Variants in KCP observed in about 807,000 individuals in gnomAD.
KCP encodes kielin/chordin-like protein.
Under a neutral mutation model 212.7 loss-of-function variants are expected in KCP, and 194 were observed. The observed-to-expected ratio is 0.91, with a 90% CI of 0.81 to 1.03. The LOEUF is 1.03. Ranked by LOEUF, KCP falls within the 50% of genes least tolerant of loss-of-function variation. KCP has a pLI of 0.00. For synonymous variants in KCP, 833 were observed against 865.3 expected, an observed-to-expected ratio of 0.96 and a Z score of 0.65; for missense variants, 2,080 against 2,162.5, an observed-to-expected ratio of 0.96 and a Z score of 0.76.
At chr7:128,883,943 C>T in intron 29 of KCP, 59 bp downstream of exon 29, 6 of 1,506,134 alleles carry the variant, frequency 4.0e-6, no homozygotes, top group Middle Eastern at 2.1e-4. Context: ...TGAGGAAGGG[C>T]GGCAGGGGGT....
rs1793036892 is a variant in KCP, at chr7:128,877,168, C to G, written c.4762G>C (p.Ala1588Pro). 6.7e-7 allele frequency: 1 copy of G among 1,493,754 alleles called. No individual in the cohort carries two copies. The highest frequency in any genetic ancestry group is 8.9e-7 in the Non-Finnish European group (1 of 1,122,434). The allele number at this position is 1,493,754 out of a possible 1,614,324, so 92.5% of individuals were successfully genotyped here. A position where few individuals can be genotyped will look rare whatever the true frequency, so the allele number is the denominator to read the frequency against. Residue 1588 changes from alanine to proline, a missense_variant, in exon 40 of 40, where the codon GCA becomes CCA. Physicochemically the swap from Ala to Pro is conservative, Grantham distance 27 (BLOSUM62 -1). Transcript: ENST00000610776. ...RPCVPGCQCP[A>P]GLVEHEAHCI... is the part of the protein sequence containing the mutation. ...TGGGCCTCATGCTCCACCAGGCCTGCAGGGCACTGGCAGCCGGGCACGCAG... is the reference window on the plus strand; with the variant it reads ...TGGGCCTCATGCTCCACCAGGCCTGGAGGGCACTGGCAGCCGGGCACGCAG...
At chr7:128,899,645 C>A (rs1794722890) in intron 8 of KCP, among the ~76,000 whole-genome samples, 2 of 152,162 alleles carry the variant, frequency 1.3e-5, no homozygotes, top group Admixed American at 1.3e-4. Flanking sequence ...CTCCTGTGAA[C>A]AAAATTGGAG....
intron 20 of KCP, 122 bp downstream of exon 20, chr7:128,890,783 T>A (rs1433149910): frequency 2.1e-5 from 20 of 952,720 alleles, no homozygotes; most frequent in Non-Finnish European, 2.8e-5. Flanking sequence ...GACACTACAT[T>A]CCTAACAAGA....
chr7:128,878,938 A>G, intron 37 of KCP: 1 of 517,694 alleles, frequency 1.9e-6, no homozygotes, highest in Non-Finnish European at 3.4e-6. Flanking sequence ...TGACAGGAGG[A>G]GCTGCCCACA....
chr7:128,886,047 G>T (rs1793626723), intron 26 of KCP, among the ~76,000 whole-genome samples: 1 of 152,064 alleles, frequency 6.6e-6, no homozygotes, highest in African/African-American at 2.4e-5. Flanking sequence ...TGATGAATGG[G>T]GTGTGGTTAG....
rs1237702869 is a variant in KCP, at chr7:128,892,948, G to A, written c.1341C>T (p.Cys447=). 1.0e-5 allele frequency: 14 copies of A among 1,359,042 alleles called. No individual in the cohort carries two copies. The highest frequency in any genetic ancestry group is 3.7e-5 in the South Asian group (3 of 80,298). The allele number at this position is 1,359,042 out of a possible 1,614,324, so 84.2% of individuals were successfully genotyped here. A position where few individuals can be genotyped will look rare whatever the true frequency, so the allele number is the denominator to read the frequency against. ...ACTTGGGTACCCCATCTTGACAGAC[G>A]CAGGCGGTGCAGGGCCGACCATCAG... ...WEPDGRPCTA[C]VCQDGVPKCG... Residue 447 remains cysteine (C), a synonymous_variant, in exon 14 of 40, where the codon TGC becomes TGT. Coordinates refer to ENST00000610776, the MANE Select transcript of KCP (RefSeq NM_001366122.1).
chr7:128,885,013 T>G (rs898320860), intron 27 of KCP, 84 bp downstream of exon 27: 1 of 1,534,986 alleles, frequency 6.5e-7, no homozygotes, highest in African/African-American at 1.4e-5. Context: ...TGCCTGTCTC[T>G]GCCACCCGGC....
intron 29 of KCP, among the ~76,000 whole-genome samples, chr7:128,882,368 AAGCACAC>A (rs770341868): frequency 1.2e-4 from 18 of 152,204 alleles, no homozygotes; most frequent in Admixed American, 2.0e-4. Context: ...CTGCGCAGGG[AAGCACAC>A]AGCCAGGCAT....
intron 8 of KCP, among the ~76,000 whole-genome samples, chr7:128,896,658 C>T (rs535420506): frequency 4.6e-5 from 7 of 151,926 alleles, no homozygotes; most frequent in Admixed American, 1.3e-4. Context: ...TTTGGGAGGC[C>T]GAGGAGGGCG....
At chr7:128,895,285 T>A (rs1277250386) in intron 8 of KCP, among the ~76,000 whole-genome samples, 1 of 152,146 alleles carries the variant, frequency 6.6e-6, no homozygotes, top group Admixed American at 6.5e-5. Context: ...GAAAAAATAG[T>A]CCTGTTCTCA....
At chr7:128,904,663 A>G (rs1795034323) in intron 5 of KCP, among the ~76,000 whole-genome samples, 1 of 152,196 alleles carries the variant, frequency 6.6e-6, no homozygotes, top group African/African-American at 2.4e-5. Flanking sequence ...CAGATGACAC[A>G]GGGCCCTGGA....
Position 128,886,572 on chromosome 7 carries a change from G to C in KCP, c.2773-15C>G. 6.4e-7 allele frequency: 1 copy of C among 1,551,130 alleles called. No individual in the cohort carries two copies. The highest frequency in any genetic ancestry group is 2.4e-5 in the East Asian group (1 of 40,924). ...ACCTGGCCAGCCTGTAGGAGATGCA[G>C]GGACACTGGCTCGCTGCCTAGGCTG... On this transcript the variant is annotated splice_polypyrimidine_tract_variant and intron_variant, in intron 25 of 39. Transcript: ENST00000610776.
chr7:128,878,934 G>C (rs1052800748), intron 37 of KCP: 6 of 528,194 alleles, frequency 1.1e-5, no homozygotes, highest in Non-Finnish European at 2.0e-5. Flanking sequence ...CAGATGACAG[G>C]AGGAGCTGCC....
intron 37 of KCP, 134 bp from the exon 38 acceptor site, chr7:128,878,856 C>G: frequency 1.1e-6 from 1 of 907,548 alleles, no homozygotes; most frequent in South Asian, 1.9e-5. Flanking sequence ...GGTGGAGGCT[C>G]CCCTTGGAAG....
At position 128,878,609 on chromosome 7, in the gene KCP, G is replaced by A. The variant is rs113121878; in HGVS notation, c.4260C>T (p.Gly1420=). Residue 1420 remains glycine, a synonymous_variant, in exon 38 of 40, where the codon GGC becomes GGT. Transcript: ENST00000610776. ...CCGAGGGCAGGAGCAGCCCCTCAGG[G>A]CCCTGCAGATCGTCCTGGGCAAAGC... ...FNGFAQDDLQ[G]PEGLLLPSEA... 4 of 1,551,546 alleles carry A rather than the reference G, an allele frequency of 2.6e-6. No individual in the cohort carries two copies. In the South Asian group the frequency reaches 3.6e-5, roughly 14 times the overall value.
At chr7:128,896,815 C>T (rs112126445) in intron 8 of KCP, among the ~76,000 whole-genome samples, 1 of 147,112 alleles carries the variant, frequency 6.8e-6, no homozygotes, top group Non-Finnish European at 1.5e-5. Context: ...CACTTGAAAC[C>T]GGGAGGCAGA....
chr7:128,891,204 C>G lies in KCP; in HGVS notation c.1953G>C (p.Glu651Asp), dbSNP rs750946117. ...CCCTACCTGGGCACTGCGGGCAGCA[C>G]TCTCCCGGCAGCAGGACAGGCTCTG... is the stretch of plus-strand genomic sequence containing the variant. ...PCPEPVLLPG[E>D]CCPQCPAAPA... The change falls in exon 19 of 40, where the codon GAG (glutamate) becomes GAC (aspartate). Residue 651 changes from glutamate (E) to aspartate (D), a missense_variant. By Grantham distance (45) the Glu-to-Asp change is conservative. Transcript: ENST00000610776. 7.8e-6 allele frequency: 12 copies of G among 1,544,326 alleles called. No homozygotes were observed. Among genetic ancestry groups the G allele is most frequent in the Non-Finnish European group, 1.0e-5 (12 of 1,146,566 alleles).
Position 128,908,419 on chromosome 7 carries a change from A to G in KCP, c.219+7T>C. Reference sequence around the variant, plus strand: ...CCCAATGCAAACCAGCACTGTCTCCATGGTACCTGTTCTCTGAGCTCCATC... The same window carrying G: ...CCCAATGCAAACCAGCACTGTCTCCGTGGTACCTGTTCTCTGAGCTCCATC... On this transcript the variant is annotated splice_region_variant and intron_variant, in intron 2 of 39. Transcript: ENST00000610776. 1.3e-6 allele frequency: 2 copies of G among 1,550,278 alleles called. No homozygotes were observed. Among genetic ancestry groups the G allele is most frequent in the African/African-American group, 1.4e-5 (1 of 73,080 alleles).
intron 1 of KCP, among the ~76,000 whole-genome samples, chr7:128,909,505 G>A (rs1795318972): frequency 6.6e-6 from 1 of 152,168 alleles, no homozygotes; most frequent in Non-Finnish European, 1.5e-5. Flanking sequence ...CTTGGTTAAT[G>A]CCATCACACA....
Sources: gnomAD v4.1 joint callset for allele counts (sites outside exome capture counted in the v4.1 genomes callset) on GRCh38, gnomAD v4.1.1 for gene constraint, MANE v1.5 for transcripts, NCBI Gene and HGNC (gene_info 2026-07-23, HGNC 2026-07-21) for gene names.